LGR6: variants seen among roughly 807,000 people sequenced by gnomAD.
LGR6 encodes the protein leucine rich repeat containing G protein-coupled receptor 6.
A neutral mutation model predicts 69.4 loss-of-function variants in LGR6; 45 were observed. The ratio of observed to expected loss-of-function variants is 0.65; its 90% CI spans 0.51 to 0.83. The LOEUF (loss-of-function observed/expected upper bound fraction) is 0.83. Ranked by LOEUF, LGR6 falls within the 40% of genes least tolerant of loss-of-function variation. The pLI, the probability that LGR6 is intolerant of heterozygous loss-of-function variation, is 0.00. For synonymous variants in LGR6, 538 were observed against 555.0 expected (o/e 0.97, Z 0.43); for missense variants, 1,108 against 1,246.7 (o/e 0.89, Z 1.68).
intron 6 of LGR6, among the ~76,000 whole-genome samples, chr1:202,295,869 T>TTGTGTG (rs1491348942): frequency 8.6e-6 from 1 of 116,496 alleles, no homozygotes; most frequent in Non-Finnish European, 1.8e-5. Context: ...ATTGGGTAAT[T>TTGTGTG]AGTGTGTGTG....
At position 202,318,378 on chromosome 1, in the gene LGR6, G is replaced by A; in HGVS notation, c.2075G>A (p.Gly692Asp). The A allele has an allele frequency of 6.2e-7, 1 of 1,604,574 alleles. No individual in the cohort carries two copies. Among genetic ancestry groups the A allele is most frequent in the Non-Finnish European group, 8.5e-7 (1 of 1,175,442 alleles). Residue 692 changes from glycine to aspartate, a missense_variant, in exon 18 of 18, where the codon GGC becomes GAC. Physicochemically the swap from Gly to Asp is moderately conservative, Grantham distance 94 (BLOSUM62 -1). Transcript: ENST00000367278. ...SLGSVRAGVLGCLALAGLAAA... is the reference protein window; with the variant it reads ...SLGSVRAGVLDCLALAGLAAA... ...GGCAGCGTTCGAGCAGGGGTCCTAG[G>A]CTGCCTGGCACTGGCAGGGCTGGCC... is the stretch of plus-strand genomic sequence containing the variant.
chr1:202,222,789 A>G (rs757336257), intron 1 of LGR6, among the ~76,000 whole-genome samples: 32 of 152,152 alleles, frequency 2.1e-4, no homozygotes, highest in Non-Finnish European at 4.3e-4. Flanking sequence ...AAACATCCTG[A>G]GGACCAAACC....
chr1:202,278,929 T>G (rs1665797912), intron 5 of LGR6, among the ~76,000 whole-genome samples: 1 of 152,150 alleles, frequency 6.6e-6, no homozygotes, highest in Admixed American at 6.5e-5. Context: ...GTGTCATGTG[T>G]GTAATCTTGT....
chr1:202,308,673 A>T (rs2148292001), intron 14 of LGR6, among the ~76,000 whole-genome samples: 1 of 152,294 alleles, frequency 6.6e-6, no homozygotes, highest in Admixed American at 6.5e-5. Context: ...GACAACAGGA[A>T]GGTTCCCCAA....
chr1:202,254,917 G>A (rs1553246954), intron 4 of LGR6, among the ~76,000 whole-genome samples: 1 of 149,474 alleles, frequency 6.7e-6, no homozygotes, highest in African/African-American at 2.5e-5. Context: ...AAAAAAAAAG[G>A]AAAGAGAAAA....
chr1:202,204,967 C>A (rs1571807706), intron 1 of LGR6, among the ~76,000 whole-genome samples: 1 of 48,060 alleles, frequency 2.1e-5, no homozygotes, highest in African/African-American at 9.8e-5. Context: ...TCCAAACACA[C>A]ACACACCTAA....
At chr1:202,229,909 T>A (rs1367449127) in intron 3 of LGR6, among the ~76,000 whole-genome samples, 1 of 152,236 alleles carries the variant, frequency 6.6e-6, no homozygotes, top group Admixed American at 6.5e-5. Flanking sequence ...AGATTCCACC[T>A]GCATCCTAGG....
rs141846384 is a variant in LGR6 at position 202,249,526 on chromosome 1, C to T, written c.428+13533C>T. Among the ~76,000 whole-genome samples, 520 of 152,314 alleles carry T rather than the reference C, an allele frequency of 3.4e-3. 8 individuals carry two copies. Among genetic ancestry groups the T allele is most frequent in the African/African-American group, 0.01 (433 of 41,558 alleles). Reference sequence around the variant, plus strand: ...CTTTAGCTTAGATTGGTACAATGAACGGCCTATTGGAATCTCCACTTGCAT... The same window carrying T: ...CTTTAGCTTAGATTGGTACAATGAATGGCCTATTGGAATCTCCACTTGCAT... On this transcript the variant is annotated intron_variant, in intron 4 of 17. Transcript: ENST00000367278.
intron 1 of LGR6, chr1:202,203,692 C>G (rs893421039): frequency 8.2e-5 from 75 of 910,104 alleles, no homozygotes; most frequent in Non-Finnish European, 1.2e-4. Context: ...GAAATACACC[C>G]AGGCAGGGCC....
intron 1 of LGR6, among the ~76,000 whole-genome samples, chr1:202,212,658 G>A (rs1205562472): frequency 6.6e-6 from 1 of 152,166 alleles, no homozygotes; most frequent in African/African-American, 2.4e-5. Context: ...AAGGGCAATT[G>A]ACATTGGATT....
intron 4 of LGR6, among the ~76,000 whole-genome samples, chr1:202,272,963 A>G (rs1665231802): frequency 6.6e-6 from 1 of 152,194 alleles, no homozygotes; most frequent in Non-Finnish European, 1.5e-5. Context: ...CAGGACACCT[A>G]GGTGAACAGG....
rs138717696 is a variant in LGR6 at position 202,221,234 on chromosome 1, A to G, written c.213-4189A>G. Among the ~76,000 whole-genome samples, 56 of 152,168 alleles carry G rather than the reference A, an allele frequency of 3.7e-4. 5 individuals are homozygous for G. In the East Asian group the frequency reaches 8.7e-3, roughly 24 times the overall value. On this transcript the variant is annotated intron_variant, in intron 1 of 17. Coordinates refer to ENST00000367278, the MANE Select transcript of LGR6 (RefSeq NM_001017403.2). ...CCTCGGGCCCTGGGATATGAGCCAG[A>G]TTGCCTCGGCGGAGGGTCTTCTATG...
chr1:202,240,393 A>C (rs1020178045), intron 4 of LGR6, among the ~76,000 whole-genome samples: 1 of 150,068 alleles, frequency 6.7e-6, no homozygotes, highest in African/African-American at 2.4e-5. Context: ...AAAAAAAACG[A>C]CATGAAAGAA....
At chr1:202,211,399 G>T (rs1659457308) in intron 1 of LGR6, among the ~76,000 whole-genome samples, 1 of 152,184 alleles carries the variant, frequency 6.6e-6, no homozygotes, top group African/African-American at 2.4e-5. Context: ...TGTTACCGAG[G>T]CTGGAGTGCA....
rs1654297402 is a variant in LGR6 at position 202,318,092 on chromosome 1, G to C, written c.1789G>C (p.Val597Leu). The C allele has an allele frequency of 1.9e-6, 3 of 1,614,082 alleles. No homozygotes were observed. In the Admixed American group the frequency reaches 5.0e-5, roughly 27 times the overall value. ...TGGCGGGCCTGTCCCCCTGCCCCCGGTCAAGTTTGTGGTAGGTGCGATTGC... is the reference window on the plus strand; with the variant it reads ...TGGCGGGCCTGTCCCCCTGCCCCCGCTCAAGTTTGTGGTAGGTGCGATTGC... ...FAGGPVPLPP[V>L]KFVVGAIAGA... The change falls in exon 18 of 18, where the codon GTC (valine) becomes CTC (leucine). Residue 597 changes from valine to leucine, a missense_variant. Transcript: ENST00000367278.
intron 5 of LGR6, among the ~76,000 whole-genome samples, chr1:202,277,708 A>G (rs372851879): frequency 6.6e-6 from 1 of 152,140 alleles, no homozygotes; most frequent in Non-Finnish European, 1.5e-5. Flanking sequence ...CTTTCAGTCC[A>G]ATTGAAAGAG....
chr1:202,266,485 A>G (rs1456148425), intron 4 of LGR6, among the ~76,000 whole-genome samples: 3 of 147,730 alleles, frequency 2.0e-5, no homozygotes, highest in South Asian at 2.2e-4. Flanking sequence ...ACCCCACCAG[A>G]GTGGTCTTTC....
chr1:202,305,856 C>A, intron 12 of LGR6, 107 bp downstream of exon 12: 1 of 881,996 alleles, frequency 1.1e-6, no homozygotes, highest in Non-Finnish European at 1.9e-6. Flanking sequence ...CACACTTTGA[C>A]ATTTCTTCCT....
At chr1:202,222,123 C>T (rs1332754052) in intron 1 of LGR6, among the ~76,000 whole-genome samples, 1 of 152,218 alleles carries the variant, frequency 6.6e-6, no homozygotes, top group Non-Finnish European at 1.5e-5. Context: ...CCTTGAAATC[C>T]CCACTTCACC....
Sources: gnomAD v4.1 joint callset for allele counts (sites outside exome capture counted in the v4.1 genomes callset) on GRCh38, gnomAD v4.1.1 for gene constraint, MANE v1.5 for transcripts, NCBI Gene and HGNC (gene_info 2026-07-23, HGNC 2026-07-21) for gene names.